Variants in PRRC2B observed in about 807,000 individuals in gnomAD.
PRRC2B encodes the protein proline rich coiled-coil 2B.
Under a neutral mutation model 242.3 loss-of-function variants are expected in PRRC2B, and 68 were observed. The ratio of observed to expected loss-of-function variants is 0.28; its 90% CI spans 0.23 to 0.34. The LOEUF is 0.34. Among genes scored for constraint, PRRC2B ranks in the 10% least tolerant of loss-of-function variants. The pLI, the probability that PRRC2B is intolerant of heterozygous loss-of-function variation, is 1.00. For synonymous variants in PRRC2B, 1,228 were observed against 1,173.6 expected (o/e 1.05, Z -0.95); for missense variants, 2,835 against 2,954.8 (o/e 0.96, Z 0.94).
chr9:131,480,367 A>T (rs1410609628), intron 19 of PRRC2B, among the ~76,000 whole-genome samples: 3 of 152,242 alleles, frequency 2.0e-5, no homozygotes, highest in African/African-American at 7.2e-5. Flanking sequence ...TTGATAAAAC[A>T]TCAATAACAC....
chr9:131,447,049 TA>T lies in PRRC2B; in HGVS notation c.856-35del. 2.5e-6 allele frequency: 4 copies of T among 1,612,758 alleles called. No individual in the cohort carries two copies. The South Asian group carries it at 4.4e-5, about 18-fold the overall frequency. On this transcript the variant is annotated intron_variant, in intron 7 of 31. Transcript: ENST00000683519. The stretch of plus-strand genomic sequence containing the variant: ...AAGTGGAAATTGCAGTTTCAGCCAT[TA>T]CCAGCAAATCCTGTTCATTGATGTT...
chr9:131,481,350 A>G (rs1943861584), intron 19 of PRRC2B, among the ~76,000 whole-genome samples: 1 of 150,352 alleles, frequency 6.7e-6, no homozygotes, highest in Non-Finnish European at 1.5e-5. Flanking sequence ...ATATTTTTTA[A>G]TGTAAAAAAA....
In PRRC2B at chr9:131,475,631, A is replaced by T. The variant is rs1247451467; in HGVS notation, c.3502A>T (p.Thr1168Ser). ...CTCGCTCCTGGAGAGGGAGGAGAGC[A>T]CCTTGAAGAAGGGCGACTGCAGAGA... ...EGSLLEREES[T>S]LKKGDCRDSW... The change falls in exon 16 of 32, where the codon ACC becomes TCC. Residue 1168 changes from threonine to serine, a missense_variant. Transcript: ENST00000683519. 6.2e-7 allele frequency: 1 copy of T among 1,611,618 alleles called. No homozygotes were observed. Among genetic ancestry groups the T allele is most frequent in the South Asian group, 1.1e-5 (1 of 90,914 alleles).
intron 1 of PRRC2B, among the ~76,000 whole-genome samples, chr9:131,420,493 C>CCTTCTTTCTTTCTTTCTTTCTTTCTTTTT: frequency 3.3e-5 from 1 of 30,180 alleles, no homozygotes; most frequent in South Asian, 2.3e-3. Flanking sequence ...TTCTTTCTTT[C>CCTTCTTTCTTTCTTTCTTTCTTTCTTTTT]TTTTTTTTTT....
At chr9:131,443,504 G>C (rs1484742211) in intron 5 of PRRC2B, among the ~76,000 whole-genome samples, 2 of 151,538 alleles carry the variant, frequency 1.3e-5, no homozygotes, top group African/African-American at 2.4e-5. Flanking sequence ...CACGTTTTCG[G>C]CTCACTGCAA....
At chr9:131,490,502 C>G in intron 28 of PRRC2B, 1 of 519,110 alleles carries the variant, frequency 1.9e-6, no homozygotes. Context: ...TGATGTAATT[C>G]CAATAGATCC....
chr9:131,399,407 G>A (rs969819035), intron 1 of PRRC2B, among the ~76,000 whole-genome samples: 3 of 151,444 alleles, frequency 2.0e-5, no homozygotes, highest in East Asian at 1.9e-4. Flanking sequence ...ATGAAACCCC[G>A]TGTCTACTAA....
chr9:131,422,856 C>G (rs1300366956), intron 1 of PRRC2B, among the ~76,000 whole-genome samples: 1 of 152,164 alleles, frequency 6.6e-6, no homozygotes, highest in Non-Finnish European at 1.5e-5. Flanking sequence ...ATGTTCTTTT[C>G]TCCATTGATT....
intron 19 of PRRC2B, among the ~76,000 whole-genome samples, chr9:131,480,786 G>A (rs1943837551): frequency 6.6e-6 from 1 of 151,540 alleles, no homozygotes; most frequent in Non-Finnish European, 1.5e-5. Context: ...CTATTTTTCT[G>A]GGCTCCGGAT....
intron 5 of PRRC2B, 36 bp downstream of exon 5, chr9:131,439,097 T>C (rs377139205): frequency 1.5e-5 from 23 of 1,584,462 alleles, no homozygotes; most frequent in Non-Finnish European, 1.8e-5. Context: ...TTGGGGACGC[T>C]GGGGAGAGGG....
In PRRC2B at chr9:131,430,155, G is replaced by T; in HGVS notation, c.11G>T (p.Arg4Leu). Residue 4 changes from arginine (R) to leucine (L), a missense_variant, in exon 2 of 32, where the codon CGT (arginine) becomes CTT (leucine). Physicochemically the swap from Arg to Leu is moderately radical, Grantham distance 102. Around this residue, in one of 7 missense-constraint regions of PRRC2B, gnomAD observed 626 missense variants for 685.5 expected, o/e 0.91. Coordinates refer to ENST00000683519, the MANE Select transcript of PRRC2B (RefSeq NM_013318.4). ...TGACATTTCATCGCAATGTCCGATCGTTTGGGGCAAATTACCAAGGGCAAG... is the reference window on the plus strand; with the variant it reads ...TGACATTTCATCGCAATGTCCGATCTTTTGGGGCAAATTACCAAGGGCAAG... MSD[R>L]LGQITKGKDG... 1 of 1,601,872 alleles carries T rather than the reference G, an allele frequency of 6.2e-7. No homozygotes were observed. The highest frequency in any genetic ancestry group is 8.5e-7 in the Non-Finnish European group (1 of 1,174,630).
chr9:131,386,399 G>C (rs1351127636), intron 1 of PRRC2B, among the ~76,000 whole-genome samples: 1 of 150,354 alleles, frequency 6.7e-6, no homozygotes, highest in Non-Finnish European at 1.5e-5. Context: ...TTATAGGTGT[G>C]AGCCACTGCG....
At position 131,500,020 on chromosome 9, in the gene PRRC2B, C is replaced by A. The variant is rs1262612461; in HGVS notation, c.*4146C>A. On this transcript the variant is annotated 3_prime_UTR_variant, in exon 32 of 32. Transcript: ENST00000683519. ...CTTGTTTATACGGTATTTTGGGAAA[C>A]TTACCTTGGATGGGAAATCGAATCG... The A allele has an allele frequency of 1.3e-5, 2 of 152,176 alleles. No individual in the cohort carries two copies. The highest frequency in any genetic ancestry group is 2.9e-5 in the Non-Finnish European group (2 of 68,028). The allele number at this position is 152,176 out of a possible 1,614,324, so 9.4% of individuals were successfully genotyped here. A position where few individuals can be genotyped will look rare whatever the true frequency, so the allele number is the denominator to read the frequency against.
At chr9:131,391,351 T>C (rs1178268689), upstream of PRRC2B, among the ~76,000 whole-genome samples, 2 of 152,090 alleles carry the variant, frequency 1.3e-5, no homozygotes, top group Non-Finnish European at 2.9e-5. Context: ...GTCAATATGA[T>C]GAACTCCGCT....
chr9:131,399,699 T>C (rs1837175749), intron 1 of PRRC2B, among the ~76,000 whole-genome samples: 1 of 152,218 alleles, frequency 6.6e-6, no homozygotes, highest in African/African-American at 2.4e-5. Context: ...TCTGATAATG[T>C]CTGTGTTTTC....
chr9:131,484,601 G>A, intron 23 of PRRC2B, 85 bp from the exon 24 acceptor site: 1 of 1,067,136 alleles, frequency 9.4e-7, no homozygotes, highest in Admixed American at 2.3e-5. Context: ...AGCCTTGAGT[G>A]TGTTCAGGAG....
At position 131,377,983 on chromosome 9, in the gene PRRC2B, T is replaced by C. The variant is rs1588231941; in HGVS notation, c.-56+4252T>C. ...GTTGCCCAGGCTAATCTTGAACCCC[T>C]GGGCCCAAGCGATCTTCCTACCTTG... On this transcript the variant is annotated intron_variant, in intron 1 of 1. Coordinates refer to the PRRC2B transcript ENST00000682525. Among the ~76,000 whole-genome samples the C allele has an allele frequency of 2.0e-5, 3 of 152,244 alleles. 1 individual carries two copies. Among genetic ancestry groups the C allele is most frequent in the African/African-American group, 7.2e-5 (3 of 41,558 alleles).
intron 15 of PRRC2B, among the ~76,000 whole-genome samples, chr9:131,473,985 G>A (rs138815975): frequency 2.2e-4 from 33 of 152,310 alleles, no homozygotes; most frequent in African/African-American, 7.5e-4. Context: ...CAGGGCAGGC[G>A]GGTGGGGGCT....
chr9:131,480,125 C>T (rs942006977), intron 19 of PRRC2B, among the ~76,000 whole-genome samples: 1 of 152,126 alleles, frequency 6.6e-6, no homozygotes, highest in African/African-American at 2.4e-5. Flanking sequence ...GGAGAGGTCA[C>T]CTAGTGCCAG....
Sources: gnomAD v4.1 joint callset for allele counts (sites outside exome capture counted in the v4.1 genomes callset) on GRCh38, gnomAD v4.1.1 for gene constraint, gnomAD v4.1.1 regional missense constraint, MANE v1.5 for transcripts, NCBI Gene and HGNC (gene_info 2026-07-23, HGNC 2026-07-21) for gene names.